Variants in CCDC146 observed in about 807,000 individuals in gnomAD.
The protein encoded by CCDC146 is coiled-coil domain containing 146.
In CCDC146, 92 loss-of-function variants were observed where a neutral mutation model predicts 119.3. That is an observed-to-expected ratio of 0.77 (90% confidence interval 0.65 to 0.92). CCDC146 has a LOEUF of 0.92. Among genes scored for constraint, CCDC146 ranks in the 40% least tolerant of loss-of-function variants. The probability of loss-of-function intolerance (pLI) is 0.00; values close to 1 mark genes in which losing one functional copy is unlikely to be tolerated. For missense variants in CCDC146, 1,000 were observed against 1,103.0 expected, an observed-to-expected ratio of 0.91 and a Z score of 1.32; for synonymous variants, 372 against 371.8, an observed-to-expected ratio of 1.00 and a Z score of -0.01.
At chr7:77,136,308 G>A (rs576790572) in intron 1 of CCDC146, among the ~76,000 whole-genome samples, 2 of 152,208 alleles carry the variant, frequency 1.3e-5, no homozygotes, top group Admixed American at 1.3e-4. Context: ...ATTGAAAACA[G>A]GGAATCAGTA....
At chr7:77,225,572 T>C (rs950480358) in intron 2 of CCDC146, among the ~76,000 whole-genome samples, 1 of 151,438 alleles carries the variant, frequency 6.6e-6, no homozygotes, top group African/African-American at 2.4e-5. Flanking sequence ...AAACAAAAAC[T>C]AGCAGAGCTA....
At chr7:77,246,664 A>C (rs1792957090) in intron 4 of CCDC146, among the ~76,000 whole-genome samples, 1 of 152,226 alleles carries the variant, frequency 6.6e-6, no homozygotes, top group Non-Finnish European at 1.5e-5. Context: ...TGAAAGTGAA[A>C]AATTGGAAGC....
chr7:77,293,832 T>C (rs1013240920), intron 18 of CCDC146, among the ~76,000 whole-genome samples: 1 of 152,246 alleles, frequency 6.6e-6, no homozygotes, highest in African/African-American at 2.4e-5. Context: ...ATCCTCCAGA[T>C]GTACAACTCA....
intron 2 of CCDC146, chr7:77,199,526 T>G: frequency 6.2e-7 from 1 of 1,614,156 alleles, no homozygotes; most frequent in Non-Finnish European, 8.5e-7. Context: ...TTTAGACTAT[T>G]TACGATTTCC....
chr7:77,123,110 A>G (rs1028693145), intron 1 of CCDC146, among the ~76,000 whole-genome samples: 3 of 149,940 alleles, frequency 2.0e-5, no homozygotes, highest in Non-Finnish European at 4.4e-5. Flanking sequence ...ATTACCGTGT[A>G]AAGTACTGTA....
chr7:77,262,875 CT>C lies in CCDC146; in HGVS notation c.1173+569del, dbSNP rs1259375154. On this transcript the variant is annotated intron_variant, in intron 9 of 18. Transcript: ENST00000285871. ...TCCCAAGTGAGGGGTCTGGTTGCCC[CT>C]GGCTCTCTTTTCTCTCAGAGGGCAC... Among the ~76,000 whole-genome samples the C allele has an allele frequency of 3.3e-5, 5 of 152,182 alleles. No individual in the cohort carries two copies. In the South Asian group the frequency reaches 6.2e-4, roughly 19 times the overall value.
intron 7 of CCDC146, chr7:77,259,347 C>T (rs538141810): frequency 1.7e-4 from 54 of 315,474 alleles, no homozygotes; most frequent in African/African-American, 1.0e-3. Context: ...TTTAACAGAG[C>T]GGTGCATGGG....
At chr7:77,272,359 A>C (rs1438958483) in intron 9 of CCDC146, among the ~76,000 whole-genome samples, 1 of 152,228 alleles carries the variant, frequency 6.6e-6, no homozygotes, top group African/African-American at 2.4e-5. Context: ...AGGGTACAGA[A>C]GGTGCTACTG....
rs1790829671 is a variant in CCDC146 at position 77,134,288 on chromosome 7, A to C, written c.-12+11556A>C. ...TCAACACTGCAAATTTAGGGCTACC[A>C]CTAAAAGAAATAATTATAAATCAAA... is the stretch of plus-strand genomic sequence containing the variant. On this transcript the variant is annotated intron_variant, in intron 1 of 18. Transcript: ENST00000285871. Among the ~76,000 whole-genome samples, 6 of 152,302 alleles carry C rather than the reference A, an allele frequency of 3.9e-5. No homozygotes were observed. In the South Asian group the frequency reaches 1.2e-3, roughly 32 times the overall value.
At chr7:77,163,166 G>A (rs1791288417) in intron 1 of CCDC146, among the ~76,000 whole-genome samples, 1 of 152,148 alleles carries the variant, frequency 6.6e-6, no homozygotes. Context: ...AAGATTTCAA[G>A]GCCAGGCGTG....
intron 4 of CCDC146, chr7:77,242,246 A>G: frequency 2.6e-6 from 1 of 391,250 alleles, no homozygotes; most frequent in African/African-American, 2.1e-5. Context: ...TGACTATAGC[A>G]GTACCAGAGC....
At chr7:77,152,789 T>G (rs908780686) in intron 1 of CCDC146, among the ~76,000 whole-genome samples, 1 of 152,174 alleles carries the variant, frequency 6.6e-6, no homozygotes, top group Non-Finnish European at 1.5e-5. Flanking sequence ...CAGGATGACC[T>G]CTCTTTATTT....
chr7:77,276,503 C>CT (rs1435290526), intron 11 of CCDC146, among the ~76,000 whole-genome samples: 1 of 152,136 alleles, frequency 6.6e-6, no homozygotes, highest in African/African-American at 2.4e-5. Flanking sequence ...TTCAGGATGG[C>CT]TGGCACATGG....
chr7:77,151,623 T>C (rs1444057990), intron 1 of CCDC146, among the ~76,000 whole-genome samples: 3 of 152,014 alleles, frequency 2.0e-5, no homozygotes, highest in Non-Finnish European at 2.9e-5. Flanking sequence ...ATAAAGCTGA[T>C]TTAAATTAAA....
intron 11 of CCDC146, 30 bp downstream of exon 11, chr7:77,274,682 TAACTAC>T (rs1793596402): frequency 6.3e-7 from 1 of 1,581,404 alleles, no homozygotes; most frequent in African/African-American, 1.4e-5. Flanking sequence ...CATTCATTGA[TAACTAC>T]AAGAGTTCAG....
chr7:77,217,189 C>T (rs2150456718), intron 2 of CCDC146, among the ~76,000 whole-genome samples: 1 of 152,124 alleles, frequency 6.6e-6, no homozygotes, highest in South Asian at 2.1e-4. Flanking sequence ...ATGATACAGT[C>T]ATATAACGTT....
At chr7:77,270,204 T>C (rs1165958306) in intron 9 of CCDC146, among the ~76,000 whole-genome samples, 1 of 152,184 alleles carries the variant, frequency 6.6e-6, no homozygotes, top group Non-Finnish European at 1.5e-5. Context: ...TTCTTAACTT[T>C]TATGAAAGTT....
At chr7:77,247,152 A>T (rs1265559541) in intron 4 of CCDC146, among the ~76,000 whole-genome samples, 5 of 152,220 alleles carry the variant, frequency 3.3e-5, no homozygotes, top group Non-Finnish European at 7.3e-5. Context: ...ATCTTTAAAA[A>T]TAGAAAAATA....
At chr7:77,212,026 T>G (rs1792194155) in intron 2 of CCDC146, among the ~76,000 whole-genome samples, 1 of 152,192 alleles carries the variant, frequency 6.6e-6, no homozygotes, top group Non-Finnish European at 1.5e-5. Flanking sequence ...GTGCCTGATA[T>G]GAGCATGATC....
Sources: gnomAD v4.1 joint callset for allele counts (sites outside exome capture counted in the v4.1 genomes callset) on GRCh38, gnomAD v4.1.1 for gene constraint, MANE v1.5 for transcripts, NCBI Gene and HGNC (gene_info 2026-07-23, HGNC 2026-07-21) for gene names.